Variants in SPATA19 observed in about 807,000 individuals in gnomAD.
SPATA19 encodes spermatogenesis associated 19, also known as spermatogenesis-associated protein 19, mitochondrial.
SPATA19 carries 19 observed loss-of-function variants against 25.0 expected under a neutral mutation model. That is an observed-to-expected ratio of 0.76 (90% CI 0.53 to 1.11). SPATA19 has a LOEUF of 1.11. Ranked by LOEUF, SPATA19 falls within the 50% of genes most tolerant of loss-of-function variation. SPATA19 has a pLI of 0.00. For synonymous variants in SPATA19, 64 were observed against 69.3 expected (o/e 0.92, Z 0.38); for missense variants, 222 against 211.4 (o/e 1.05, Z -0.31).
chr11:133,841,979 C>G, intron 6 of SPATA19, 51 bp downstream of exon 6: 1 of 1,551,636 alleles, frequency 6.4e-7, no homozygotes, highest in Non-Finnish European at 8.9e-7. Flanking sequence ...CTTCCCACTG[C>G]CCAGGATAAC....
At chr11:133,845,315 G>C in intron 1 of SPATA19, 54 bp downstream of exon 1, 4 of 1,496,170 alleles carry the variant, frequency 2.7e-6, no homozygotes, top group Non-Finnish European at 3.7e-6. Context: ...GGGTCCCACA[G>C]GGGGAGAAGA....
At chr11:133,841,615 G>A (rs1288387514) in intron 6 of SPATA19, among the ~76,000 whole-genome samples, 1 of 152,196 alleles carries the variant, frequency 6.6e-6, no homozygotes, top group Non-Finnish European at 1.5e-5. Context: ...TTGGTGGCAG[G>A]TCTAAAACCT....
downstream of SPATA19, among the ~76,000 whole-genome samples, chr11:133,838,715 A>G (rs1007630965): frequency 6.6e-5 from 10 of 152,220 alleles, no homozygotes; most frequent in African/African-American, 2.4e-4. Flanking sequence ...CTGCACAGCA[A>G]AAGAAACTAC....
intron 2 of SPATA19, 104 bp from the exon 3 acceptor site, chr11:133,844,744 A>C: frequency 7.5e-7 from 1 of 1,336,622 alleles, no homozygotes; most frequent in Non-Finnish European, 1.0e-6. Context: ...CAACTCACAC[A>C]CCACATATTC....
chr11:133,844,041 C>T (rs2121185875), intron 4 of SPATA19, among the ~76,000 whole-genome samples: 1 of 152,286 alleles, frequency 6.6e-6, no homozygotes, highest in South Asian at 2.1e-4. Context: ...CCCAGTTTTC[C>T]AACCCCTCAA....
At chr11:133,840,082 A>C (rs1015469803), downstream of SPATA19, among the ~76,000 whole-genome samples, 1 of 152,206 alleles carries the variant, frequency 6.6e-6, no homozygotes, top group African/African-American at 2.4e-5. Context: ...TAGAGGAACA[A>C]GGATAGAAAT....
At position 133,840,693 on chromosome 11, in the gene SPATA19, T is replaced by A. The variant is rs1408980012; in HGVS notation, c.*240A>T. On this transcript the variant is annotated 3_prime_UTR_variant, in exon 7 of 7. Transcript: ENST00000299140. ...CAAGAAGACTCCAGTGCTGACACTGTCGCATGAAGAGCTCACCTGCTGGAG... is the reference window on the plus strand; with the variant it reads ...CAAGAAGACTCCAGTGCTGACACTGACGCATGAAGAGCTCACCTGCTGGAG... 6.6e-6 allele frequency: 1 copy of A among 152,194 alleles called. No individual in the cohort carries two copies. Among genetic ancestry groups the A allele is most frequent in the Non-Finnish European group, 1.5e-5 (1 of 68,042 alleles). The allele number at this position is 152,194 out of a possible 1,614,324, so 9.4% of individuals were successfully genotyped here.
chr11:133,842,160 C>T, intron 5 of SPATA19, 55 bp from the exon 6 acceptor site: 2 of 1,553,404 alleles, frequency 1.3e-6, no homozygotes, highest in Non-Finnish European at 1.8e-6. Flanking sequence ...GATAGCAGAG[C>T]CTACCCAGAC....
chr11:133,844,990 G>C (rs1246019434), intron 2 of SPATA19, 144 bp downstream of exon 2: 7 of 746,606 alleles, frequency 9.4e-6, no homozygotes, highest in Non-Finnish European at 1.5e-5. Flanking sequence ...CACATGTGAA[G>C]AAATTAGACT....
intron 4 of SPATA19, among the ~76,000 whole-genome samples, chr11:133,843,550 C>A (rs138834429): frequency 1.3e-5 from 2 of 152,138 alleles, no homozygotes; most frequent in African/African-American, 4.8e-5. Context: ...ATCGATGATG[C>A]GGCAGGGAAA....
At chr11:133,841,621 AACCTAC>A (rs1205809613) in intron 6 of SPATA19, among the ~76,000 whole-genome samples, 1 of 152,164 alleles carries the variant, frequency 6.6e-6, no homozygotes, top group Non-Finnish European at 1.5e-5. Context: ...GCAGGTCTAA[AACCTAC>A]ACAGCATCAC....
rs750032043 is a variant in SPATA19, at chr11:133,845,133, C to G, written c.135+1G>C. 6.2e-7 allele frequency: 1 copy of G among 1,613,564 alleles called. No individual in the cohort carries two copies. ...CTGAGTCATAAAGAAATCTTACTCA[C>G]TTTTTTCAACCAATGATGTAGTACA... is the stretch of plus-strand genomic sequence containing the variant. On this transcript the variant is annotated splice_donor_variant, in intron 2 of 6. Transcript: ENST00000299140. LOFTEE classifies it high-confidence loss of function.
downstream of SPATA19, among the ~76,000 whole-genome samples, chr11:133,839,549 A>G (rs1244173365): frequency 7.2e-5 from 10 of 138,204 alleles, no homozygotes. Context: ...GGGAGGGGGG[A>G]GGGATAGCAT....
chr11:133,836,064 G>T (rs1489956009), downstream of SPATA19, among the ~76,000 whole-genome samples: 2 of 152,158 alleles, frequency 1.3e-5, no homozygotes, highest in African/African-American at 4.8e-5. Context: ...GATAAGGCAG[G>T]ATCCTTAACC....
downstream of SPATA19, among the ~76,000 whole-genome samples, chr11:133,839,269 T>C (rs1938261503): frequency 6.6e-6 from 1 of 152,114 alleles, no homozygotes; most frequent in Admixed American, 6.5e-5. Flanking sequence ...TAGCAAAGAC[T>C]TGCAACCAAC....
intron 4 of SPATA19, 115 bp downstream of exon 4, chr11:133,844,131 A>C: frequency 1.2e-6 from 1 of 838,716 alleles, no homozygotes; most frequent in Non-Finnish European, 2.0e-6. Context: ...AAGGCTGAGG[A>C]ATTTGTCAGC....
chr11:133,843,383 CTT>C (rs1938352680), intron 4 of SPATA19, among the ~76,000 whole-genome samples: 1 of 152,174 alleles, frequency 6.6e-6, no homozygotes, highest in South Asian at 2.1e-4. Context: ...CAAAAAAACT[CTT>C]TCCCAGGGAG....
chr11:133,837,959 C>T (rs1336896780), downstream of SPATA19, among the ~76,000 whole-genome samples: 1 of 152,144 alleles, frequency 6.6e-6, no homozygotes. Flanking sequence ...CAGAGGAAAC[C>T]TTAACCTCTG....
chr11:133,839,863 C>A (rs572506384), downstream of SPATA19, among the ~76,000 whole-genome samples: 2 of 151,756 alleles, frequency 1.3e-5, no homozygotes, highest in Admixed American at 6.6e-5. Context: ...GAAGAATACC[C>A]GCAAAAAAGA....
Sources: allele counts gnomAD v4.1 joint callset (sites outside exome capture counted in the v4.1 genomes callset), GRCh38; gene constraint gnomAD v4.1.1; transcripts MANE v1.5; gene names NCBI Gene and HGNC (gene_info 2026-07-23, HGNC 2026-07-21).